KCNN2: variants seen among roughly 807,000 people sequenced by gnomAD.
The protein encoded by KCNN2 is potassium calcium-activated channel subfamily N member 2, also known as small conductance calcium-activated potassium channel protein 2.
A neutral mutation model predicts 55.5 loss-of-function variants in KCNN2; 24 were observed. The observed-to-expected ratio is 0.43, with a 90% CI of 0.31 to 0.61. The LOEUF (loss-of-function observed/expected upper bound fraction) is 0.61. Among genes scored for constraint, KCNN2 ranks in the 20% least tolerant of loss-of-function variants. The pLI, the probability that KCNN2 is intolerant of heterozygous loss-of-function variation, is 0.08. For synonymous variants in KCNN2, 431 were observed against 336.1 expected (o/e 1.28, Z -3.09); for missense variants, 754 against 853.6 (o/e 0.88, Z 1.45).
intron 1 of KCNN2, among the ~76,000 whole-genome samples, chr5:114,205,277 A>C (rs1279574092): frequency 6.6e-6 from 1 of 152,238 alleles, no homozygotes; most frequent in African/African-American, 2.4e-5. Context: ...AAAATCACAC[A>C]GTGTGAAAGA....
At chr5:114,139,341 C>T (rs1260464683) in intron 1 of KCNN2, among the ~76,000 whole-genome samples, 3 of 151,870 alleles carry the variant, frequency 2.0e-5, no homozygotes, top group Non-Finnish European at 4.4e-5. Context: ...TGTGTAAGTG[C>T]TCTAATGTCT....
At chr5:114,213,249 T>C (rs552406917) in intron 1 of KCNN2, among the ~76,000 whole-genome samples, 381 of 152,174 alleles carry the variant, frequency 2.5e-3, no homozygotes, top group Non-Finnish European at 4.5e-3. Context: ...GTTATAGATA[T>C]TGCCCATGAG....
chr5:114,131,693 A>G (rs1414736756), intron 1 of KCNN2, among the ~76,000 whole-genome samples: 4 of 152,206 alleles, frequency 2.6e-5, no homozygotes. Flanking sequence ...TCTGTGTCTG[A>G]GGAATTGCCA....
intron 1 of KCNN2, among the ~76,000 whole-genome samples, chr5:114,078,050 A>C (rs1452619404): frequency 6.6e-6 from 1 of 152,228 alleles, no homozygotes; most frequent in Non-Finnish European, 1.5e-5. Flanking sequence ...AACGATCAGT[A>C]CAGTTATGTT....
At chr5:114,367,498 G>A (rs564367896) in intron 2 of KCNN2, among the ~76,000 whole-genome samples, 12 of 152,230 alleles carry the variant, frequency 7.9e-5, no homozygotes, top group African/African-American at 2.9e-4. Context: ...TTTAATAAAT[G>A]CCTATGTATC....
rs113723821 is a variant in KCNN2 at position 114,246,541 on chromosome 5, C to G, written c.-185+24976C>G. Among the ~76,000 whole-genome samples, 829 of 152,098 alleles carry G rather than the reference C, an allele frequency of 5.5e-3. 5 individuals carry two copies. The highest frequency in any genetic ancestry group is 0.019 in the African/African-American group (788 of 41,484). ...GGCTATAAAATGATTAATAATTATA[C>G]CAAGTTAAATTGACATTACCATTAT... On this transcript the variant is annotated intron_variant, in intron 2 of 10. Coordinates refer to the KCNN2 transcript ENST00000512097.
At chr5:114,229,796 T>A (rs1007128706) in intron 2 of KCNN2, among the ~76,000 whole-genome samples, 2 of 152,118 alleles carry the variant, frequency 1.3e-5, no homozygotes, top group Non-Finnish European at 2.9e-5. Context: ...TTTGAAAATA[T>A]GGCAATGTGG....
chr5:114,177,278 C>G (rs555025803), intron 1 of KCNN2, among the ~76,000 whole-genome samples: 21 of 152,008 alleles, frequency 1.4e-4, no homozygotes, highest in Middle Eastern at 3.4e-3. Flanking sequence ...GCTGGGACTA[C>G]AGGAGCCCGC....
intron 3 of KCNN2, among the ~76,000 whole-genome samples, chr5:114,448,971 TA>T (rs1760531597): frequency 6.6e-6 from 1 of 152,194 alleles, no homozygotes; most frequent in South Asian, 2.1e-4. Context: ...ACGTGACTGA[TA>T]CTAGACATAG....
chr5:114,460,404 G>A (rs1158748712), intron 3 of KCNN2, among the ~76,000 whole-genome samples: 1 of 151,996 alleles, frequency 6.6e-6, no homozygotes, highest in East Asian at 1.9e-4. Flanking sequence ...TACCATACCT[G>A]GCTAACTTTT....
intron 1 of KCNN2, among the ~76,000 whole-genome samples, chr5:114,081,803 A>C (rs2721321): frequency 0.027 from 4,038 of 152,268 alleles, 184 homozygotes; most frequent in African/African-American, 0.091. Context: ...GTGCTTCATA[A>C]GACAGCATCA....
intron 1 of KCNN2, among the ~76,000 whole-genome samples, chr5:114,163,984 T>C (rs1026609715): frequency 1.3e-5 from 2 of 152,162 alleles, no homozygotes; most frequent in Admixed American, 6.5e-5. Context: ...GACCAGAAGA[T>C]GTTTTCATTA....
intron 2 of KCNN2, among the ~76,000 whole-genome samples, chr5:114,292,689 C>A (rs1561558462): frequency 6.6e-6 from 1 of 152,008 alleles, no homozygotes; most frequent in Admixed American, 6.6e-5. Context: ...TTTTTTGGTT[C>A]CATATGAAGT....
chr5:114,285,370 A>G (rs1755721331), intron 2 of KCNN2, among the ~76,000 whole-genome samples: 1 of 151,774 alleles, frequency 6.6e-6, no homozygotes, highest in Admixed American at 6.6e-5. Flanking sequence ...GAAGAAACAC[A>G]TGGAGGAAAG....
At chr5:114,487,493 T>G (rs746453288) in intron 6 of KCNN2, among the ~76,000 whole-genome samples, 45 of 152,208 alleles carry the variant, frequency 3.0e-4, no homozygotes, top group Admixed American at 7.2e-4. Context: ...TAGGATTTTT[T>G]CAGCTTTATT....
chr5:114,424,667 G>A (rs1403196286), intron 3 of KCNN2, among the ~76,000 whole-genome samples: 2 of 152,262 alleles, frequency 1.3e-5, no homozygotes, highest in African/African-American at 2.4e-5. Flanking sequence ...AGGCTATCAT[G>A]TAGCCTAGGC....
intron 2 of KCNN2, among the ~76,000 whole-genome samples, chr5:114,315,479 A>T: frequency 6.7e-6 from 1 of 148,688 alleles, no homozygotes; most frequent in African/African-American, 2.5e-5. Context: ...ATATATATAA[A>T]ACTTCTGTTT....
chr5:114,348,885 T>C (rs1165846800), intron 2 of KCNN2, among the ~76,000 whole-genome samples: 1 of 152,172 alleles, frequency 6.6e-6, no homozygotes, highest in African/African-American at 2.4e-5. Context: ...CTCATCACTT[T>C]TTAACAATTT....
intron 2 of KCNN2, among the ~76,000 whole-genome samples, chr5:114,280,634 G>T (rs1367338965): frequency 6.6e-6 from 1 of 152,006 alleles, no homozygotes; most frequent in Non-Finnish European, 1.5e-5. Context: ...CATTTCTGAG[G>T]GCTCTATTCT....
Sources: gnomAD v4.1 joint callset for allele counts (sites outside exome capture counted in the v4.1 genomes callset) on GRCh38, gnomAD v4.1.1 for gene constraint, MANE v1.5 for transcripts, NCBI Gene and HGNC (gene_info 2026-07-23, HGNC 2026-07-21) for gene names.